The following PREX2 variants were observed in gnomAD, a reference collection of about 807,000 sequenced individuals.
The protein encoded by PREX2 is phosphatidylinositol-3,4,5-trisphosphate dependent Rac exchange factor 2.
PREX2 carries 107 observed loss-of-function variants against 203.2 expected under a neutral mutation model. That is an observed-to-expected ratio of 0.53 (90% CI 0.45 to 0.62). PREX2 has a LOEUF of 0.62. Among genes scored for constraint, PREX2 ranks in the 20% least tolerant of loss-of-function variants. The probability of loss-of-function intolerance (pLI) is 0.00; values close to 1 mark genes in which losing one functional copy is unlikely to be tolerated. For missense variants in PREX2, 1,777 were observed against 1,955.9 expected (o/e 0.91, Z 1.72); for synonymous variants, 672 against 663.6 (o/e 1.01, Z -0.19).
chr8:68,191,763 C>G lies in PREX2; in HGVS notation c.4388C>G (p.Thr1463Arg). The change falls in exon 36 of 40, where the codon ACA becomes AGA. Residue 1463 changes from threonine to arginine, a missense_variant. Physicochemically the swap from Thr to Arg is moderately conservative, Grantham distance 71. Coordinates refer to ENST00000288368, the MANE Select transcript of PREX2 (RefSeq NM_024870.4). Reference sequence around the variant, plus strand: ...AAGTCAAATTCACCACCAAACTCCACATCCAAAGCTGCCTATGTAGATAAG... The same window carrying G: ...AAGTCAAATTCACCACCAAACTCCAGATCCAAAGCTGCCTATGTAGATAAG... ...LDKSNSPPNSTSKAAYVDKLM... is the reference protein window; with the variant it reads ...LDKSNSPPNSRSKAAYVDKLM... 1.9e-6 allele frequency: 3 copies of G among 1,609,780 alleles called. No homozygotes were observed. The highest frequency in any genetic ancestry group is 2.6e-6 in the Non-Finnish European group (3 of 1,176,236).
chr8:68,106,624 C>T (rs530906603), intron 23 of PREX2, among the ~76,000 whole-genome samples: 5 of 152,054 alleles, frequency 3.3e-5, no homozygotes, highest in South Asian at 4.2e-4. Flanking sequence ...ATAATCTACA[C>T]GTATACATAT....
chr8:68,065,936 T>C (rs1436043842), intron 11 of PREX2, among the ~76,000 whole-genome samples: 1 of 152,182 alleles, frequency 6.6e-6, no homozygotes, highest in African/African-American at 2.4e-5. Flanking sequence ...CAAATATTTA[T>C]GGTATACAAC....
intron 11 of PREX2, among the ~76,000 whole-genome samples, chr8:68,067,283 C>T (rs1809044818): frequency 6.6e-6 from 1 of 152,032 alleles, no homozygotes; most frequent in African/African-American, 2.4e-5. Context: ...TGATAGAAAT[C>T]ACATTGAATC....
At chr8:68,118,352 C>T (rs1437363374) in intron 26 of PREX2, among the ~76,000 whole-genome samples, 198 bp from the exon 27 acceptor site, 2 of 143,640 alleles carry the variant, frequency 1.4e-5, no homozygotes, top group Non-Finnish European at 3.0e-5. Context: ...GAAACTCCGT[C>T]TCCAAAAAAA....
chr8:68,089,541 T>C (rs1809804865), intron 19 of PREX2, among the ~76,000 whole-genome samples: 1 of 152,192 alleles, frequency 6.6e-6, no homozygotes, highest in South Asian at 2.1e-4. Flanking sequence ...ACAGCTTGGA[T>C]GCTTCCAAGT....
intron 37 of PREX2, among the ~76,000 whole-genome samples, chr8:68,201,900 ATTTTTTTTTTTTTT>A (rs869153263): frequency 1.0e-5 from 1 of 98,256 alleles, no homozygotes; most frequent in African/African-American, 4.4e-5. Flanking sequence ...GGTAACACCT[ATTTTTTTTTTTTTT>A]TTTTTTTTTT....
Position 68,115,769 on chromosome 8 carries a change from A to G in PREX2, c.3163A>G (p.Thr1055Ala), listed in dbSNP as rs920294186. The change falls in exon 26 of 40, where the codon ACA (threonine) becomes GCA (alanine). Residue 1055 changes from threonine (T) to alanine (A), a missense_variant. By Grantham distance (58) the Thr-to-Ala change is moderately conservative. Coordinates refer to ENST00000288368, the MANE Select transcript of PREX2 (RefSeq NM_024870.4). The stretch of plus-strand genomic sequence containing the variant: ...ACATTGCAGCCTTCTGTCTTCAATA[A>G]CATATTCTCCTAAATTAGAACGTAA... Reference protein sequence around the residue: ...CQIDDLLSSITYSPKLERKTS... With the variant: ...CQIDDLLSSIAYSPKLERKTS... 6.8e-6 allele frequency: 11 copies of G among 1,609,398 alleles called. No homozygotes were observed. The highest frequency in any genetic ancestry group is 1.7e-4 in the Middle Eastern group (1 of 6,032).
At position 68,144,438 on chromosome 8, in the gene PREX2, G is replaced by A. The variant is rs71515090; in HGVS notation, c.4088-1771G>A. On this transcript the variant is annotated intron_variant, in intron 33 of 39. Coordinates refer to ENST00000288368, the MANE Select transcript of PREX2 (RefSeq NM_024870.4). ...AAGTTATACCTAAGTATTTTATTTT[G>A]GGGAGGTGCTAATATAAATGGTATT... 7.4e-3 allele frequency among the ~76,000 whole-genome samples: 1,123 copies of A among 152,016 alleles called. 9 individuals carry two copies. The highest frequency in any genetic ancestry group is 0.017 in the Middle Eastern group (5 of 294).
intron 33 of PREX2, among the ~76,000 whole-genome samples, chr8:68,142,198 A>G (rs1811243955): frequency 6.6e-6 from 1 of 152,158 alleles, no homozygotes; most frequent in Non-Finnish European, 1.5e-5. Context: ...CTGGATCTGG[A>G]CAAATGTGTA....
At chr8:68,071,454 T>C (rs748058962) in intron 13 of PREX2, among the ~76,000 whole-genome samples, 5 of 152,200 alleles carry the variant, frequency 3.3e-5, no homozygotes, top group Non-Finnish European at 5.9e-5. Flanking sequence ...TGGAGATAGA[T>C]TTAAAGAACA....
chr8:68,140,812 C>T (rs1811214760), intron 33 of PREX2, among the ~76,000 whole-genome samples: 1 of 152,072 alleles, frequency 6.6e-6, no homozygotes, highest in Admixed American at 6.6e-5. Flanking sequence ...TTGAATTCAT[C>T]CTTCTTACTT....
intron 20 of PREX2, among the ~76,000 whole-genome samples, chr8:68,092,999 A>G (rs535597714): frequency 2.6e-5 from 4 of 152,260 alleles, no homozygotes; most frequent in African/African-American, 9.6e-5. Flanking sequence ...CTTACGATAT[A>G]CTTGAAGCAT....
intron 17 of PREX2, chr8:68,082,094 A>C (rs994658513): frequency 2.6e-5 from 4 of 152,112 alleles, no homozygotes; most frequent in African/African-American, 9.7e-5. Flanking sequence ...TTATATACTC[A>C]GCAGTGTTCC....
rs967784708 is a variant in PREX2, at chr8:68,111,396, C to CT, written c.3146+1783dup. On this transcript the variant is annotated intron_variant, in intron 25 of 39. Coordinates refer to ENST00000288368, the MANE Select transcript of PREX2 (RefSeq NM_024870.4). ...GACTTTGTCTTTGTTAATTTATTGA[C>CT]TTTTTTTTTTAAGGTTCAGGTAATG... Among the ~76,000 whole-genome samples, 68 of 147,854 alleles carry CT rather than the reference C, an allele frequency of 4.6e-4. 1 individual carries two copies. The highest frequency in any genetic ancestry group is 1.3e-3 in the African/African-American group (54 of 40,392).
intron 26 of PREX2, 142 bp downstream of exon 26, chr8:68,116,074 A>G (rs1011586030): frequency 1.3e-5 from 9 of 676,990 alleles, no homozygotes; most frequent in African/African-American, 1.3e-4. Flanking sequence ...TACCGACCTC[A>G]GACAAAGCAT....
intron 1 of PREX2, among the ~76,000 whole-genome samples, chr8:67,993,932 G>A (rs1301555090): frequency 6.6e-6 from 1 of 152,176 alleles, no homozygotes; most frequent in Non-Finnish European, 1.5e-5. Context: ...TTGAATGTTT[G>A]TAAACAGGCA....
At chr8:68,041,199 A>C (rs1401762265) in intron 7 of PREX2, among the ~76,000 whole-genome samples, 1 of 152,188 alleles carries the variant, frequency 6.6e-6, no homozygotes, top group Non-Finnish European at 1.5e-5. Flanking sequence ...TGTTTATTCC[A>C]GGTTCAGCAT....
chr8:68,108,347 C>A lies in PREX2; in HGVS notation c.2938+16C>A. 6.3e-7 allele frequency: 1 copy of A among 1,585,460 alleles called. No individual in the cohort carries two copies. The highest frequency in any genetic ancestry group is 1.1e-5 in the South Asian group (1 of 89,558). On this transcript the variant is annotated intron_variant, in intron 24 of 39. Coordinates refer to ENST00000288368, the MANE Select transcript of PREX2 (RefSeq NM_024870.4). Reference sequence around the variant, plus strand: ...TCGGAGCAAGGTATGCTAGCTTTTGCAACTTTATCAAATCATGAAAAGCAA... The same window carrying A: ...TCGGAGCAAGGTATGCTAGCTTTTGAAACTTTATCAAATCATGAAAAGCAA...
chr8:68,189,551 A>T (rs1812254411), intron 35 of PREX2, among the ~76,000 whole-genome samples: 1 of 152,206 alleles, frequency 6.6e-6, no homozygotes, highest in Non-Finnish European at 1.5e-5. Context: ...TTTGATTTTC[A>T]TCATGGAAAT....
Sources: gnomAD v4.1 joint callset for allele counts (sites outside exome capture counted in the v4.1 genomes callset) on GRCh38, gnomAD v4.1.1 for gene constraint, MANE v1.5 for transcripts, NCBI Gene and HGNC (gene_info 2026-07-23, HGNC 2026-07-21) for gene names.